Variants in NOD1 observed in about 807,000 individuals in gnomAD.
NOD1 encodes the protein nucleotide-binding oligomerization domain-containing protein 1.
In NOD1, 70 loss-of-function variants were observed where a neutral mutation model predicts 81.2. The observed-to-expected ratio is 0.86, with a 90% CI of 0.71 to 1.05. NOD1 has a LOEUF of 1.05. NOD1 is among the 50% of genes least tolerant of loss of function. The pLI is 0.00. For synonymous variants in NOD1, 508 were observed against 526.9 expected (o/e 0.96, Z 0.49); for missense variants, 1,233 against 1,228.0 (o/e 1.00, Z -0.06).
At chr7:30,456,692 T>C in intron 4 of NOD1, 29 bp downstream of exon 4, 1 of 1,520,808 alleles carries the variant, frequency 6.6e-7, no homozygotes, top group Non-Finnish European at 8.9e-7. Context: ...GTCCACACAA[T>C]GCCATGCCCG....
Position 30,467,742 on chromosome 7 carries a change from C to T in NOD1, c.-351-7701G>A, listed in dbSNP as rs1787849351. On this transcript the variant is annotated intron_variant, in intron 1 of 13. Coordinates refer to ENST00000222823, the MANE Select transcript of NOD1 (RefSeq NM_006092.4). This position sits in a 1 kb window ranked among gnomAD's most constrained non-coding sequence, Gnocchi z 4.5. ...TTGAGACAGAGTTTCACTCTTGTCACCCAGGCTGGAGTGCGATGGCGTGAT... is the reference window on the plus strand; with the variant it reads ...TTGAGACAGAGTTTCACTCTTGTCATCCAGGCTGGAGTGCGATGGCGTGAT... Among the ~76,000 whole-genome samples the T allele has an allele frequency of 6.6e-6, 1 of 152,288 alleles. No individual in the cohort carries two copies. Among genetic ancestry groups the T allele is most frequent in the African/African-American group, 2.4e-5 (1 of 41,554 alleles).
chr7:30,462,900 G>A (rs1787271628), intron 1 of NOD1, among the ~76,000 whole-genome samples: 1 of 147,764 alleles, frequency 6.8e-6, no homozygotes, highest in African/African-American at 2.5e-5. Context: ...AGCGAGCCAA[G>A]ATCGTACCAT....
In NOD1 at chr7:30,452,894, C is replaced by G; in HGVS notation, c.523G>C (p.Gly175Arg). 6.2e-7 allele frequency: 1 copy of G among 1,614,018 alleles called. No homozygotes were observed. The highest frequency in any genetic ancestry group is 1.1e-5 in the South Asian group (1 of 91,080). ...ELVGFSNESL[G>R]SLNSLACLLD... ...AGGCAGGCCAGGCTGTTCAGGCTGC[C>G]CAGGCTCTCATTGCTGAAGCCAACC... The change falls in exon 6 of 14, where the codon GGC (glycine) becomes CGC (arginine). Residue 175 changes from glycine to arginine, a missense_variant. Transcript: ENST00000222823.
intron 1 of NOD1, among the ~76,000 whole-genome samples, chr7:30,477,011 C>T (rs1788848594): frequency 6.6e-6 from 1 of 152,222 alleles, no homozygotes; most frequent in African/African-American, 2.4e-5. Context: ...CACATCATCT[C>T]GCTGAACTAT....
At chr7:30,458,886 G>A (rs935370068) in intron 3 of NOD1, among the ~76,000 whole-genome samples, 3 of 152,032 alleles carry the variant, frequency 2.0e-5, no homozygotes, top group Non-Finnish European at 4.4e-5. Flanking sequence ...ACAGGCGGGT[G>A]CCACCATGCC....
intron 6 of NOD1, among the ~76,000 whole-genome samples, chr7:30,450,938 T>C (rs1010866618): frequency 2.6e-5 from 4 of 152,222 alleles, no homozygotes; most frequent in African/African-American, 7.2e-5. Flanking sequence ...GTGGCCATAA[T>C]TGATAGGATT....
At position 30,470,909 on chromosome 7, in the gene NOD1, G is replaced by T. The variant is rs143765347; in HGVS notation, c.-352+7697C>A. 5.8e-3 allele frequency among the ~76,000 whole-genome samples: 880 copies of T among 152,268 alleles called. 8 individuals carry two copies. The highest frequency in any genetic ancestry group is 0.02 in the Middle Eastern group (6 of 294). On this transcript the variant is annotated intron_variant, in intron 1 of 13. Transcript: ENST00000222823. ...TGTTTATGCAGAGGAAAGTGCCACA[G>T]AAGTGGCCGATCTGGAAGCTGGAGG...
intron 8 of NOD1, chr7:30,446,712 T>G: frequency 2.1e-6 from 1 of 468,288 alleles, no homozygotes; most frequent in Non-Finnish European, 3.8e-6. Context: ...CCAGAAAGGG[T>G]GAGAGTTAGT....
At chr7:30,454,830 C>A (rs536438001) in intron 5 of NOD1, among the ~76,000 whole-genome samples, 3 of 152,228 alleles carry the variant, frequency 2.0e-5, no homozygotes, top group Non-Finnish European at 1.5e-5. Flanking sequence ...AAAATACAAC[C>A]TTGAATTTGT....
Position 30,452,440 on chromosome 7 carries a change from G to T in NOD1, c.977C>A (p.Ala326Asp). Residue 326 changes from alanine (A) to aspartate (D), a missense_variant, in exon 6 of 14, where the codon GCT becomes GAT. Transcript: ENST00000222823. The part of the protein sequence containing the change: ...NLLSGKLLKG[A>D]SKLLTARTGI... ...TGTGCGGGCTGTGAGCAGCTTGCTA[G>T]CCCCCTTGAGCAGCTTCCCACTGAG... 1 of 1,613,278 alleles carries T rather than the reference G, an allele frequency of 6.2e-7. No individual in the cohort carries two copies. Among genetic ancestry groups the T allele is most frequent in the South Asian group, 1.1e-5 (1 of 91,072 alleles).
At chr7:30,433,514 G>T in intron 11 of NOD1, 2 of 330,488 alleles carry the variant, frequency 6.1e-6, no homozygotes, top group South Asian at 5.0e-5. Context: ...CTGCTTCTCA[G>T]TTCTCCTCTA....
At chr7:30,456,697 T>G (rs910560129) in intron 4 of NOD1, 24 bp downstream of exon 4, 3 of 1,607,662 alleles carry the variant, frequency 1.9e-6, no homozygotes, top group Non-Finnish European at 2.6e-6. Context: ...CACAATGCCA[T>G]GCCCGTCCCT....
intron 1 of NOD1, chr7:30,460,366 G>A: frequency 1.0e-6 from 1 of 985,432 alleles, no homozygotes; most frequent in Non-Finnish European, 1.2e-6. Context: ...TAAAGGGTGG[G>A]TCCAGTTGAT....
At chr7:30,426,004 T>G (rs1783414882) in intron 13 of NOD1, among the ~76,000 whole-genome samples, 1 of 152,136 alleles carries the variant, frequency 6.6e-6, no homozygotes, top group Non-Finnish European at 1.5e-5. Context: ...TTGGCTGTCC[T>G]GACCTCTCCT....
intron 11 of NOD1, among the ~76,000 whole-genome samples, chr7:30,434,471 C>T (rs1017580009): frequency 1.3e-5 from 2 of 152,082 alleles, no homozygotes; most frequent in Non-Finnish European, 2.9e-5. Context: ...ATCACTTGGA[C>T]CAAAATGTCA....
intron 9 of NOD1, 44 bp downstream of exon 9, chr7:30,446,097 C>T (rs775495054): frequency 6.9e-7 from 1 of 1,450,868 alleles, no homozygotes; most frequent in South Asian, 1.1e-5. Flanking sequence ...GCCCCCCACA[C>T]ACACAGCAGG....
chr7:30,438,066 C>T (rs1784539198), intron 9 of NOD1, among the ~76,000 whole-genome samples: 1 of 152,192 alleles, frequency 6.6e-6, no homozygotes, highest in Non-Finnish European at 1.5e-5. Flanking sequence ...TCCCAGCATC[C>T]GTTCAACTCT....
In NOD1 at chr7:30,451,414, C is replaced by A; in HGVS notation, c.2003G>T (p.Gly668Val). The change falls in exon 6 of 14, where the codon GGG becomes GTG. Residue 668 changes from glycine to valine, a missense_variant. Coordinates refer to ENST00000222823, the MANE Select transcript of NOD1 (RefSeq NM_006092.4). The surrounding 1 kb of genome is among the most constrained non-coding windows in gnomAD (Gnocchi z 4.2). ...CIYETQSQKV[G>V]QLAARGICAN... ...GCAGATGCCCCTGGCCGCCAGCTGC[C>A]CCACCTTCTGGCTCTGTGTCTCGTA... is the stretch of plus-strand genomic sequence containing the variant. The A allele has an allele frequency of 2.5e-6, 4 of 1,613,932 alleles. No individual in the cohort carries two copies. Among genetic ancestry groups the A allele is most frequent in the Non-Finnish European group, 3.4e-6 (4 of 1,180,022 alleles).
chr7:30,452,221 C>A lies in NOD1; in HGVS notation c.1196G>T (p.Arg399Leu), dbSNP rs141422065. Residue 399 changes from arginine to leucine, a missense_variant, in exon 6 of 14, where the codon CGG becomes CTG. By Grantham distance (102) the Arg-to-Leu change is moderately radical. Transcript: ENST00000222823. ...GGCAGCACGGAAGTGCTGGAAGCAC[C>A]GGAAGATGATCCAGCAGAAGAGGGG... Reference protein sequence around the residue: ...SVPLFCWIIFRCFQHFRAAFE... With the variant: ...SVPLFCWIIFLCFQHFRAAFE... 2 of 1,613,786 alleles carry A rather than the reference C, an allele frequency of 1.2e-6. No homozygotes were observed. The highest frequency in any genetic ancestry group is 3.3e-5 in the Admixed American group (2 of 60,034).
Sources: allele counts gnomAD v4.1 joint callset (sites outside exome capture counted in the v4.1 genomes callset), GRCh38; gene constraint gnomAD v4.1.1; non-coding constraint Gnocchi (gnomAD v3.1); transcripts MANE v1.5; gene names NCBI Gene and HGNC (gene_info 2026-07-23, HGNC 2026-07-21).